Variants in CTDSPL observed in about 807,000 individuals in gnomAD.
CTDSPL encodes CTD small phosphatase-like protein.
Under a neutral mutation model 30.5 loss-of-function variants are expected in CTDSPL, and 8 were observed. The ratio of observed to expected loss-of-function variants is 0.26; its 90% CI spans 0.15 to 0.47. CTDSPL has a LOEUF of 0.47. Among genes scored for constraint, CTDSPL ranks in the 20% least tolerant of loss-of-function variants. CTDSPL has a pLI of 0.99. For missense variants in CTDSPL, 248 were observed against 366.1 expected (o/e 0.68, Z 2.63); for synonymous variants, 110 against 137.9 (o/e 0.80, Z 1.42).
chr3:37,977,576 T>C (rs1699443009), intron 7 of CTDSPL, among the ~76,000 whole-genome samples: 1 of 134,770 alleles, frequency 7.4e-6, no homozygotes, highest in Admixed American at 7.4e-5. Flanking sequence ...TAGATTCGAT[T>C]TTTTTTTTTT....
chr3:37,951,885 T>A (rs6791946), intron 2 of CTDSPL, among the ~76,000 whole-genome samples: 2 of 151,898 alleles, frequency 1.3e-5, no homozygotes, highest in African/African-American at 4.8e-5. Flanking sequence ...TAAATAATAG[T>A]CATAAAACCT....
Position 37,911,797 on chromosome 3 carries a change from G to A in CTDSPL, c.80-35260G>A, listed in dbSNP as rs745420842. 9 of 446,454 alleles carry A rather than the reference G, an allele frequency of 2.0e-5. No homozygotes were observed. In the East Asian group the frequency reaches 3.5e-4, roughly 18 times the overall value. 27.7% of individuals were successfully genotyped at this position (446,454 alleles called of 1,614,324 possible). On this transcript the variant is annotated intron_variant, in intron 1 of 7. Coordinates refer to ENST00000273179, the MANE Select transcript of CTDSPL (RefSeq NM_001008392.2). The stretch of plus-strand genomic sequence containing the variant: ...AGGACAGCCAGGCGCGGTGGTTCAC[G>A]CCTATAATCCCAGCACTTTGGGAGG...
chr3:37,892,077 T>C (rs2125596990), intron 1 of CTDSPL, among the ~76,000 whole-genome samples: 1 of 152,332 alleles, frequency 6.6e-6, no homozygotes, highest in South Asian at 2.1e-4. Flanking sequence ...TTTATATGGA[T>C]GCACCTTAAT....
intron 1 of CTDSPL, among the ~76,000 whole-genome samples, chr3:37,875,610 G>A (rs978429687): frequency 6.6e-6 from 1 of 152,278 alleles, no homozygotes; most frequent in African/African-American, 2.4e-5. Context: ...CTTTCTCTCT[G>A]TATTCTGATC....
At chr3:37,967,749 A>G (rs1024578376) in intron 4 of CTDSPL, 77 bp from the exon 5 acceptor site, 8 of 1,026,550 alleles carry the variant, frequency 7.8e-6, no homozygotes, top group Admixed American at 5.0e-5. Context: ...TGGTCTAGGC[A>G]GGCTTTTTTC....
intron 1 of CTDSPL, among the ~76,000 whole-genome samples, chr3:37,878,684 A>C (rs943377687): frequency 6.6e-6 from 1 of 152,180 alleles, no homozygotes; most frequent in African/African-American, 2.4e-5. Flanking sequence ...TTTTGCAATT[A>C]GGGGGACTCT....
rs1240029199 is a variant in CTDSPL at position 37,937,526 on chromosome 3, C to A, written c.80-9531C>A. On this transcript the variant is annotated intron_variant, in intron 1 of 7. Transcript: ENST00000273179. ...AAGTTGAAGCAGCGCGAGACCCTCGCCAGCTGGGCTACCCAGTCTTGGACT... is the reference window on the plus strand; with the variant it reads ...AAGTTGAAGCAGCGCGAGACCCTCGACAGCTGGGCTACCCAGTCTTGGACT... Among the ~76,000 whole-genome samples, 5 of 150,556 alleles carry A rather than the reference C, an allele frequency of 3.3e-5. 1 individual carries two copies. Among genetic ancestry groups the A allele is most frequent in the Non-Finnish European group, 7.4e-5 (5 of 67,176 alleles).
In CTDSPL at chr3:37,957,116, C is replaced by A. The variant is rs1210968886; in HGVS notation, c.240C>A (p.Asp80Glu). 1 of 1,599,052 alleles carries A rather than the reference C, an allele frequency of 6.3e-7. No homozygotes were observed. Among genetic ancestry groups the A allele is most frequent in the Non-Finnish European group, 8.5e-7 (1 of 1,171,188 alleles). ...TTTTTTTTCTTTTTCCTCAGGGTGA[C>A]CAGAGGCAGGTCATTCCCATACCAA... is the stretch of plus-strand genomic sequence containing the variant. ...VEENGGLQKG[D>E]QRQVIPIPSP... Residue 80 changes from aspartate (D) to glutamate (E), a missense_variant, in exon 3 of 8, where the codon GAC (aspartate) becomes GAA (glutamate). This residue lies in a region of CTDSPL where 118 missense variants were observed against 124.7 expected (regional missense o/e 0.95). Coordinates refer to ENST00000273179, the MANE Select transcript of CTDSPL (RefSeq NM_001008392.2).
intron 1 of CTDSPL, among the ~76,000 whole-genome samples, chr3:37,927,634 ATATGTGTGTGTG>A (rs1276033974): frequency 4.1e-4 from 32 of 78,428 alleles, no homozygotes; most frequent in Admixed American, 1.2e-3. Flanking sequence ...AAAGAAAAAT[ATATGTGTGTGTG>A]TGTGTGTGTG....
intron 1 of CTDSPL, among the ~76,000 whole-genome samples, chr3:37,863,900 C>T (rs1453201363): frequency 6.6e-6 from 1 of 152,212 alleles, no homozygotes; most frequent in Non-Finnish European, 1.5e-5. Context: ...CAAACTCTCT[C>T]AGGCATTTTT....
chr3:37,876,520 A>C (rs1483928547), intron 1 of CTDSPL, among the ~76,000 whole-genome samples: 2 of 152,174 alleles, frequency 1.3e-5, no homozygotes, highest in Non-Finnish European at 2.9e-5. Flanking sequence ...GTGGGTATTT[A>C]GTGGTATCTC....
intron 7 of CTDSPL, among the ~76,000 whole-genome samples, chr3:37,977,447 T>A (rs1699441446): frequency 6.6e-6 from 1 of 152,216 alleles, no homozygotes; most frequent in Non-Finnish European, 1.5e-5. Flanking sequence ...TGGTGTTTTG[T>A]CTTGTAGAAA....
At position 37,980,988 on chromosome 3, in the gene CTDSPL, G is replaced by C; in HGVS notation, c.*121G>C. 1.7e-6 allele frequency: 2 copies of C among 1,200,212 alleles called. No individual in the cohort carries two copies. The highest frequency in any genetic ancestry group is 2.2e-6 in the Non-Finnish European group (2 of 889,586). 74.3% of individuals were successfully genotyped at this position (1,200,212 alleles called of 1,614,324 possible). A position where few individuals can be genotyped will look rare whatever the true frequency, so the allele number is the denominator to read the frequency against. On this transcript the variant is annotated 3_prime_UTR_variant, in exon 8 of 8. Transcript: ENST00000273179. ...TACTCCGTGCTCCAGGCCACAGGGTGAATGTGGCCATGCCTACCTGTTTTG... is the reference window on the plus strand; with the variant it reads ...TACTCCGTGCTCCAGGCCACAGGGTCAATGTGGCCATGCCTACCTGTTTTG...
At chr3:37,866,366 A>T (rs944588386) in intron 1 of CTDSPL, among the ~76,000 whole-genome samples, 1 of 152,224 alleles carries the variant, frequency 6.6e-6, no homozygotes, top group Non-Finnish European at 1.5e-5. Flanking sequence ...GTTTAGAAAT[A>T]CAGAAAAAGT....
At chr3:37,972,599 G>C (rs951156610) in intron 6 of CTDSPL, among the ~76,000 whole-genome samples, 1 of 152,206 alleles carries the variant, frequency 6.6e-6, no homozygotes, top group Non-Finnish European at 1.5e-5. Flanking sequence ...TGATCAAATA[G>C]AATGGTTTCT....
At chr3:37,894,588 T>C (rs73056983) in intron 1 of CTDSPL, among the ~76,000 whole-genome samples, 2,033 of 152,326 alleles carry the variant, frequency 0.013, 26 homozygotes, top group Non-Finnish European at 0.021. Context: ...TAGACTTTAT[T>C]GAACTTCTTA....
intron 1 of CTDSPL, among the ~76,000 whole-genome samples, chr3:37,942,254 A>G (rs1698986893): frequency 6.6e-6 from 1 of 150,568 alleles, no homozygotes; most frequent in African/African-American, 2.4e-5. Flanking sequence ...AAAAAAATGT[A>G]CGCCCGCAGA....
At chr3:37,905,852 T>G (rs978737679) in intron 1 of CTDSPL, among the ~76,000 whole-genome samples, 1 of 152,192 alleles carries the variant, frequency 6.6e-6, no homozygotes, top group Non-Finnish European at 1.5e-5. Flanking sequence ...CCAGCTGATT[T>G]GAAAGCCTGA....
intron 5 of CTDSPL, chr3:37,969,481 G>A (rs370553161): frequency 8.2e-6 from 4 of 490,098 alleles, no homozygotes; most frequent in Non-Finnish European, 1.3e-5. Flanking sequence ...ACGGGGACGC[G>A]GGCCTGGACG....
Sources: allele counts gnomAD v4.1 joint callset (sites outside exome capture counted in the v4.1 genomes callset), GRCh38; gene constraint gnomAD v4.1.1; regional missense constraint gnomAD v4.1.1; transcripts MANE v1.5; gene names NCBI Gene and HGNC (gene_info 2026-07-23, HGNC 2026-07-21).